DLG2: variants seen among roughly 807,000 people sequenced by gnomAD.
DLG2 encodes the protein disks large homolog 2.
A neutral mutation model predicts 132.5 loss-of-function variants in DLG2; 45 were observed. That is an observed-to-expected ratio of 0.34 (90% CI 0.27 to 0.44). The LOEUF (loss-of-function observed/expected upper bound fraction) is 0.44. DLG2 is among the 20% of genes least tolerant of loss of function. DLG2 has a pLI of 1.00. For missense variants in DLG2, 1,045 were observed against 1,196.9 expected, an observed-to-expected ratio of 0.87 and a Z score of 1.87; for synonymous variants, 424 against 419.6, an observed-to-expected ratio of 1.01 and a Z score of -0.13.
chr11:84,037,668 G>T (rs2095905025), intron 11 of DLG2, among the ~76,000 whole-genome samples: 1 of 152,044 alleles, frequency 6.6e-6, no homozygotes, highest in South Asian at 2.1e-4. Flanking sequence ...TATGGTGGTA[G>T]ATACTAAATT....
chr11:84,706,350 T>C (rs2059779973), intron 6 of DLG2, among the ~76,000 whole-genome samples: 1 of 151,822 alleles, frequency 6.6e-6, no homozygotes, highest in Non-Finnish European at 1.5e-5. Flanking sequence ...CCAGATTATA[T>C]ACAAGGAAAG....
At chr11:84,025,890 T>C (rs542808450) in intron 11 of DLG2, among the ~76,000 whole-genome samples, 4 of 152,130 alleles carry the variant, frequency 2.6e-5, no homozygotes, top group African/African-American at 2.4e-5. Flanking sequence ...CATTCTTATA[T>C]TGACAACATG....
At chr11:84,998,864 A>G (rs2057942161) in intron 6 of DLG2, among the ~76,000 whole-genome samples, 1 of 152,116 alleles carries the variant, frequency 6.6e-6, no homozygotes, top group Non-Finnish European at 1.5e-5. Context: ...TATACCAGAC[A>G]TGCTATTCCT....
intron 6 of DLG2, among the ~76,000 whole-genome samples, chr11:84,962,872 C>T (rs1306503339): frequency 1.3e-5 from 2 of 152,104 alleles, no homozygotes; most frequent in African/African-American, 2.4e-5. Flanking sequence ...TAACTTATTT[C>T]CCCCAAAATG....
chr11:85,122,653 C>T (rs543960967), intron 5 of DLG2, among the ~76,000 whole-genome samples: 1 of 152,074 alleles, frequency 6.6e-6, no homozygotes, highest in South Asian at 2.1e-4. Context: ...AACGCAGATT[C>T]TGATTCAGTA....
intron 6 of DLG2, among the ~76,000 whole-genome samples, chr11:84,834,998 G>A (rs559710311): frequency 2.6e-5 from 4 of 151,726 alleles, no homozygotes; most frequent in East Asian, 1.9e-4. Flanking sequence ...ACTTTAGTAA[G>A]CTAATGTGTG....
At chr11:83,463,601 C>A (rs2090461218) in intron 26 of DLG2, among the ~76,000 whole-genome samples, 1 of 152,176 alleles carries the variant, frequency 6.6e-6, no homozygotes, top group Non-Finnish European at 1.5e-5. Context: ...CCAGCCTGGG[C>A]AACAGGGTGA....
chr11:83,582,523 A>G (rs2096999101), intron 19 of DLG2, among the ~76,000 whole-genome samples: 1 of 152,212 alleles, frequency 6.6e-6, no homozygotes, highest in African/African-American at 2.4e-5. Flanking sequence ...CTCACAAGAA[A>G]AGGAGGAATG....
chr11:84,367,960 T>A (rs889666032), intron 7 of DLG2, among the ~76,000 whole-genome samples: 2 of 152,134 alleles, frequency 1.3e-5, no homozygotes, highest in Non-Finnish European at 2.9e-5. Flanking sequence ...GATGCACACA[T>A]CTCTTTATTT....
At chr11:84,118,658 A>G (rs977329755) in intron 9 of DLG2, among the ~76,000 whole-genome samples, 3 of 152,238 alleles carry the variant, frequency 2.0e-5, no homozygotes, top group Admixed American at 6.5e-5. Flanking sequence ...TAACCCGAGT[A>G]TAAACAATTT....
At chr11:84,508,001 A>C (rs774644999) in intron 7 of DLG2, among the ~76,000 whole-genome samples, 1 of 152,306 alleles carries the variant, frequency 6.6e-6, no homozygotes, top group South Asian at 2.1e-4. Flanking sequence ...GATTTCTTTG[A>C]TAGAGACACA....
chr11:85,393,561 AGCCCAAAT>A, intron 3 of DLG2, among the ~76,000 whole-genome samples: 1 of 152,076 alleles, frequency 6.6e-6, no homozygotes, highest in Non-Finnish European at 1.5e-5. Context: ...AAAATGGACC[AGCCCAAAT>A]GCCCAACAAT....
intron 2 of DLG2, among the ~76,000 whole-genome samples, chr11:85,622,879 G>A (rs1271288330): frequency 6.6e-6 from 1 of 152,042 alleles, no homozygotes; most frequent in Non-Finnish European, 1.5e-5. Flanking sequence ...CCAACATGGT[G>A]AAACCCTGTT....
chr11:84,080,902 G>A (rs967108411), intron 10 of DLG2, among the ~76,000 whole-genome samples: 4 of 151,164 alleles, frequency 2.6e-5, no homozygotes, highest in African/African-American at 9.7e-5. Flanking sequence ...TGAGGCAGGA[G>A]ACTCACTTGA....
intron 2 of DLG2, among the ~76,000 whole-genome samples, chr11:85,603,073 A>G (rs1477533936): frequency 6.6e-6 from 1 of 152,224 alleles, no homozygotes; most frequent in Non-Finnish European, 1.5e-5. Context: ...ATAGAAATAA[A>G]TGTGGATGAA....
intron 3 of DLG2, among the ~76,000 whole-genome samples, chr11:85,553,882 T>C (rs551936709): frequency 2.0e-5 from 3 of 151,292 alleles, no homozygotes; most frequent in African/African-American, 7.2e-5. Context: ...AAGTAAATTA[T>C]ATTACATAAA....
At chr11:85,312,126 A>G (rs987312714) in intron 3 of DLG2, among the ~76,000 whole-genome samples, 1 of 152,046 alleles carries the variant, frequency 6.6e-6, no homozygotes, top group African/African-American at 2.4e-5. Flanking sequence ...CCTCTATAGT[A>G]AAATGTGTCA....
At chr11:85,046,093 C>T (rs1489045377) in intron 6 of DLG2, among the ~76,000 whole-genome samples, 1 of 152,026 alleles carries the variant, frequency 6.6e-6, no homozygotes, top group Non-Finnish European at 1.5e-5. Flanking sequence ...TTATTAGCTC[C>T]CATAAACCCC....
At chr11:83,742,211 A>C (rs111854377) in intron 18 of DLG2, among the ~76,000 whole-genome samples, 1 of 11,768 alleles carries the variant, frequency 8.5e-5, no homozygotes, top group African/African-American at 3.0e-3. Flanking sequence ...CACACTTTTA[A>C]CACACACACA....
Sources: gnomAD v4.1 joint callset for allele counts (sites outside exome capture counted in the v4.1 genomes callset) on GRCh38, gnomAD v4.1.1 for gene constraint, MANE v1.5 for transcripts, NCBI Gene and HGNC (gene_info 2026-07-23, HGNC 2026-07-21) for gene names.